CRISPLD1: variants seen among roughly 807,000 people sequenced by gnomAD.
CRISPLD1 encodes cysteine rich secretory protein LCCL domain containing 1, also known as cysteine-rich secretory protein LCCL domain-containing 1.
Under a neutral mutation model 77.5 loss-of-function variants are expected in CRISPLD1, and 60 were observed. The ratio of observed to expected loss-of-function variants is 0.77; its 90% CI spans 0.63 to 0.96. The LOEUF is 0.96. Ranked by LOEUF, CRISPLD1 falls within the 40% of genes least tolerant of loss-of-function variation. The pLI is 0.00. For missense variants in CRISPLD1, 623 were observed against 615.8 expected, an observed-to-expected ratio of 1.01 and a Z score of -0.12; for synonymous variants, 195 against 200.1, an observed-to-expected ratio of 0.97 and a Z score of 0.22.
At chr8:75,008,818 T>C (rs1294991671) in intron 2 of CRISPLD1, among the ~76,000 whole-genome samples, 2 of 152,156 alleles carry the variant, frequency 1.3e-5, no homozygotes, top group Admixed American at 1.3e-4. Context: ...GTCCTCAAAG[T>C]GATCGGAGTT....
At chr8:74,999,556 A>G (rs1049278499) in intron 2 of CRISPLD1, among the ~76,000 whole-genome samples, 1 of 152,124 alleles carries the variant, frequency 6.6e-6, no homozygotes. Flanking sequence ...TGCATTTCTA[A>G]CAAGACCCCA....
intron 2 of CRISPLD1, among the ~76,000 whole-genome samples, chr8:75,009,895 A>G (rs1479007567): frequency 2.6e-5 from 4 of 152,122 alleles, no homozygotes; most frequent in Admixed American, 6.6e-5. Context: ...TAAACATTAT[A>G]TATAATTATA....
intron 2 of CRISPLD1, among the ~76,000 whole-genome samples, chr8:75,007,305 T>C (rs551277210): frequency 1.4e-4 from 22 of 152,178 alleles, no homozygotes; most frequent in African/African-American, 5.3e-4. Context: ...GTTGTATCAC[T>C]AATTACTGTT....
At chr8:75,018,966 T>C (rs1813085846) in intron 10 of CRISPLD1, among the ~76,000 whole-genome samples, 1 of 152,228 alleles carries the variant, frequency 6.6e-6, no homozygotes, top group Non-Finnish European at 1.5e-5. Flanking sequence ...AAGTAATAAA[T>C]ATTAGTTATT....
rs745608376 is a variant in CRISPLD1, at chr8:75,014,051, G to A, written c.575G>A (p.Trp192Ter). 6.2e-7 allele frequency: 1 copy of A among 1,613,146 alleles called. No individual in the cohort carries two copies. Among genetic ancestry groups the A allele is most frequent in the East Asian group, 2.2e-5 (1 of 44,836 alleles). Residue 192 changes from tryptophan to a stop codon, truncating the protein, a stop_gained, in exon 5 of 15, where the codon TGG becomes TAG. Transcript: ENST00000262207. LOFTEE classifies it high-confidence loss of function. ...AINLCHNMNI[W>*]GQIWPKAVYL... is the part of the protein sequence containing the mutation. Reference sequence around the variant, plus strand: ...AATTTGTGTCATAACATGAACATCTGGGGGCAGATATGGCCCAAAGCTGTC... The same window carrying A: ...AATTTGTGTCATAACATGAACATCTAGGGGCAGATATGGCCCAAAGCTGTC...
intron 14 of CRISPLD1, 36 bp downstream of exon 14, chr8:75,029,553 A>G: frequency 2.5e-6 from 4 of 1,583,220 alleles, no homozygotes; most frequent in Non-Finnish European, 3.5e-6. Flanking sequence ...ACTTTTAAAT[A>G]CCATCTATCA....
intron 12 of CRISPLD1, among the ~76,000 whole-genome samples, chr8:75,022,205 A>G (rs1201162810): frequency 6.6e-6 from 1 of 152,188 alleles, no homozygotes; most frequent in Non-Finnish European, 1.5e-5. Context: ...TTTATGCATA[A>G]TATTGACCTT....
At position 75,014,090 on chromosome 8, in the gene CRISPLD1, A is replaced by C; in HGVS notation, c.614A>C (p.Asn205Thr). The change falls in exon 5 of 15, where the codon AAT becomes ACT. Residue 205 changes from asparagine to threonine, a missense_variant. By Grantham distance (65) the Asn-to-Thr change is moderately conservative. Coordinates refer to ENST00000262207, the MANE Select transcript of CRISPLD1 (RefSeq NM_031461.6). Reference protein sequence around the residue: ...IWPKAVYLVCNYSPKGNWWGH... With the variant: ...IWPKAVYLVCTYSPKGNWWGH... ...CCCAAAGCTGTCTACCTGGTGTGCA[A>C]TTACTCCCCAAAGTGAGTAGACAAA... The C allele has an allele frequency of 6.2e-7, 1 of 1,605,948 alleles. No individual in the cohort carries two copies. The highest frequency in any genetic ancestry group is 8.5e-7 in the Non-Finnish European group (1 of 1,172,886).
intron 2 of CRISPLD1, among the ~76,000 whole-genome samples, chr8:75,002,154 T>C (rs1812753152): frequency 1.3e-5 from 2 of 152,032 alleles, no homozygotes; most frequent in Admixed American, 1.3e-4. Flanking sequence ...TTGTCTTAAA[T>C]ATGAATTATA....
rs1057074647 is a variant in CRISPLD1, at chr8:74,984,762, T to C, written c.-221T>C. On this transcript the variant is annotated 5_prime_UTR_variant, in exon 1 of 15. Transcript: ENST00000262207. ...AGCCGCAGAGGCGGAGGCTCGCGTA[T>C]TCCTGCAGTCAGCACCCACGTCGCC... 2.0e-5 allele frequency: 3 copies of C among 152,344 alleles called. No individual in the cohort carries two copies. Among genetic ancestry groups the C allele is most frequent in the Non-Finnish European group, 4.4e-5 (3 of 68,138 alleles). 9.4% of individuals were successfully genotyped at this position (152,344 alleles called of 1,614,324 possible).
Position 75,019,862 on chromosome 8 carries a change from A to G in CRISPLD1, c.1128-8A>G, listed in dbSNP as rs1181182932. ...AAATAATTAACATTTCTGTATTTTT[A>G]CCTTCAGCAAATATCAGTCTGCTAA... On this transcript the variant is annotated splice_region_variant and splice_polypyrimidine_tract_variant and intron_variant, in intron 10 of 14. Transcript: ENST00000262207. 1 of 1,606,172 alleles carries G rather than the reference A, an allele frequency of 6.2e-7. No homozygotes were observed.
chr8:75,006,761 C>T (rs997731375), intron 2 of CRISPLD1, among the ~76,000 whole-genome samples: 1 of 151,964 alleles, frequency 6.6e-6, no homozygotes. Flanking sequence ...TCAGTGTCAT[C>T]CTGGTCTCTG....
intron 2 of CRISPLD1, among the ~76,000 whole-genome samples, chr8:74,997,115 C>T (rs945632994): frequency 2.6e-5 from 4 of 152,130 alleles, no homozygotes; most frequent in African/African-American, 9.7e-5. Context: ...CTGACTTGCT[C>T]TTATTTCCAG....
chr8:74,994,928 G>A (rs1354047170), intron 2 of CRISPLD1, among the ~76,000 whole-genome samples: 1 of 152,122 alleles, frequency 6.6e-6, no homozygotes, highest in Non-Finnish European at 1.5e-5. Context: ...AGAGAAAGAT[G>A]GGGCGCAGTG....
chr8:75,000,473 C>T (rs563591119), intron 2 of CRISPLD1: 6 of 964,084 alleles, frequency 6.2e-6, no homozygotes, highest in East Asian at 1.1e-4. Flanking sequence ...CATGTTATTC[C>T]GTATGCCTTG....
intron 9 of CRISPLD1, 51 bp downstream of exon 9, chr8:75,017,164 T>G: frequency 6.4e-7 from 1 of 1,556,396 alleles, no homozygotes; most frequent in Non-Finnish European, 8.8e-7. Context: ...CCATGTAATA[T>G]TTGATTTTTA....
chr8:75,023,939 A>C (rs1363082380), intron 12 of CRISPLD1, among the ~76,000 whole-genome samples: 4 of 152,200 alleles, frequency 2.6e-5, no homozygotes, highest in African/African-American at 9.6e-5. Context: ...GTTTAAATAA[A>C]AAGCTTTTGG....
At chr8:75,005,989 C>G (rs1336370836) in intron 2 of CRISPLD1, among the ~76,000 whole-genome samples, 1 of 152,096 alleles carries the variant, frequency 6.6e-6, no homozygotes, top group African/African-American at 2.4e-5. Context: ...TAATAGATAT[C>G]TTGGGCTTCT....
At chr8:75,000,235 T>G in intron 2 of CRISPLD1, 1 of 985,188 alleles carries the variant, frequency 1.0e-6, no homozygotes, top group South Asian at 4.7e-5. Context: ...ACGTGTCAAA[T>G]CTGTATCTGA....
Sources: allele counts gnomAD v4.1 joint callset (sites outside exome capture counted in the v4.1 genomes callset), GRCh38; gene constraint gnomAD v4.1.1; transcripts MANE v1.5; gene names NCBI Gene and HGNC (gene_info 2026-07-23, HGNC 2026-07-21).